CAMK2A: variants seen among roughly 807,000 people sequenced by gnomAD.
CAMK2A encodes the protein calcium/calmodulin-dependent protein kinase type II subunit alpha.
A neutral mutation model predicts 79.2 loss-of-function variants in CAMK2A; 7 were observed. The ratio of observed to expected loss-of-function variants is 0.09; its 90% CI spans 0.05 to 0.17. The LOEUF is 0.17. CAMK2A is among the 10% of genes least tolerant of loss of function. CAMK2A has a pLI of 1.00. For missense variants in CAMK2A, 214 were observed against 646.4 expected (o/e 0.33, Z 7.25); for synonymous variants, 242 against 251.7 (o/e 0.96, Z 0.36).
At chr5:150,242,226 A>G (rs556058997) in intron 13 of CAMK2A, among the ~76,000 whole-genome samples, 2 of 152,350 alleles carry the variant, frequency 1.3e-5, no homozygotes, top group East Asian at 3.9e-4. Context: ...ATAATCTTGT[A>G]TTGACCAGTA....
chr5:150,240,934 G>A (rs1003927296), intron 13 of CAMK2A, among the ~76,000 whole-genome samples: 11 of 152,252 alleles, frequency 7.2e-5, no homozygotes, highest in Non-Finnish European at 1.6e-4. Context: ...TGCCATGGGA[G>A]GCACTGGATA....
rs531690792 is a variant in CAMK2A, at chr5:150,284,361, G to T, written c.62+5203C>A. On this transcript the variant is annotated intron_variant, in intron 1 of 18. Transcript: ENST00000671881. The surrounding 1 kb of genome is among the most constrained non-coding windows in gnomAD (Gnocchi z 5.3). Reference sequence around the variant, plus strand: ...TGTGAAGACGCATGTGTGTGTGTGAGCACGCATGCATCAGCAACAGGATGC... The same window carrying T: ...TGTGAAGACGCATGTGTGTGTGTGATCACGCATGCATCAGCAACAGGATGC... Among the ~76,000 whole-genome samples the T allele has an allele frequency of 2.6e-5, 4 of 152,316 alleles. No individual in the cohort carries two copies. The highest frequency in any genetic ancestry group is 2.6e-4 in the Admixed American group (4 of 15,302).
chr5:150,283,015 C>A (rs942672583), intron 1 of CAMK2A, among the ~76,000 whole-genome samples: 4 of 152,228 alleles, frequency 2.6e-5, no homozygotes, highest in Non-Finnish European at 5.9e-5. Context: ...CAGGACATCT[C>A]TGCAGACATA....
intron 16 of CAMK2A, among the ~76,000 whole-genome samples, chr5:150,230,615 C>A (rs1276387470): frequency 2.6e-5 from 4 of 152,260 alleles, no homozygotes; most frequent in Non-Finnish European, 5.9e-5. Context: ...CGGGGGCCAG[C>A]TGAGGGCCCA....
rs1419047141 is a variant in CAMK2A, at chr5:150,259,075, G to A, written c.218-1458C>T. ...CATGCTTATAATCCCAGCTACTCCA[G>A]AGGCTGAGGCAGGATAATTGCTTGA... On this transcript the variant is annotated intron_variant, in intron 3 of 18. Transcript: ENST00000671881. 2.0e-5 allele frequency among the ~76,000 whole-genome samples: 3 copies of A among 152,062 alleles called. No homozygotes were observed. The East Asian group carries it at 5.8e-4, about 29-fold the overall frequency.
rs1040789311 is a variant in CAMK2A, at chr5:150,222,663, G to A, written c.*47C>T. On this transcript the variant is annotated 3_prime_UTR_variant, in exon 19 of 19. Transcript: ENST00000671881. Reference sequence around the variant, plus strand: ...AACCAGCAGCTCCACTCCACGGACAGAGTGGATCTCTGCGGCACAGCAACG... The same window carrying A: ...AACCAGCAGCTCCACTCCACGGACAAAGTGGATCTCTGCGGCACAGCAACG... 1 of 1,610,660 alleles carries A rather than the reference G, an allele frequency of 6.2e-7. No homozygotes were observed. Among genetic ancestry groups the A allele is most frequent in the Non-Finnish European group, 8.5e-7 (1 of 1,177,070 alleles).
At chr5:150,272,422 A>G (rs748115592) in intron 2 of CAMK2A, among the ~76,000 whole-genome samples, 5 of 152,074 alleles carry the variant, frequency 3.3e-5, no homozygotes, top group Non-Finnish European at 7.4e-5. Flanking sequence ...AAGAGAAAAA[A>G]TTAGCCGGGC....
At chr5:150,251,642 C>A in intron 9 of CAMK2A, 108 bp downstream of exon 9, 1 of 757,570 alleles carries the variant, frequency 1.3e-6, no homozygotes, top group South Asian at 2.2e-5. Flanking sequence ...AGTCTTCATG[C>A]TCCCCTGGGG....
intron 17 of CAMK2A, among the ~76,000 whole-genome samples, chr5:150,225,043 A>AGG (rs1754527382): frequency 8.6e-6 from 1 of 116,236 alleles, no homozygotes; most frequent in Non-Finnish European, 1.6e-5. Flanking sequence ...GTAGGTAGGG[A>AGG]GAGAGAGAGA....
chr5:150,229,157 C>T (rs1754734634), intron 16 of CAMK2A, among the ~76,000 whole-genome samples: 1 of 152,208 alleles, frequency 6.6e-6, no homozygotes, highest in Non-Finnish European at 1.5e-5. Context: ...AGGTGTCAGG[C>T]CCAGCACCGT....
At chr5:150,267,723 C>T (rs189301531) in intron 2 of CAMK2A, among the ~76,000 whole-genome samples, 155 of 152,086 alleles carry the variant, frequency 1.0e-3, no homozygotes, top group African/African-American at 3.5e-3. Flanking sequence ...CCTCCGAGGC[C>T]GTGTTCTGTT....
At chr5:150,257,469 C>T (rs1756107668) in intron 4 of CAMK2A, 94 bp downstream of exon 4, 2 of 1,127,900 alleles carry the variant, frequency 1.8e-6, no homozygotes, top group Admixed American at 2.0e-5. Flanking sequence ...CTCTGGACCA[C>T]AAGAGGGAAT....
At position 150,284,056 on chromosome 5, in the gene CAMK2A, G is replaced by C. The variant is rs1757323724; in HGVS notation, c.62+5508C>G. ...CTCAGCAGGTTGCCTGGGGTAGGAG[G>C]CTTCCTACAGTGCCACAGAGAAGCT... On this transcript the variant is annotated intron_variant, in intron 1 of 18. Coordinates refer to ENST00000671881, the MANE Select transcript of CAMK2A (RefSeq NM_015981.4). The surrounding 1 kb of genome is among the most constrained non-coding windows in gnomAD (Gnocchi z 5.3). Among the ~76,000 whole-genome samples the C allele has an allele frequency of 6.6e-6, 1 of 152,224 alleles. No homozygotes were observed. Among genetic ancestry groups the C allele is most frequent in the Non-Finnish European group, 1.5e-5 (1 of 68,036 alleles).
chr5:150,239,584 C>T, intron 14 of CAMK2A, 120 bp downstream of exon 14: 1 of 866,006 alleles, frequency 1.2e-6, no homozygotes, highest in Non-Finnish European at 2.0e-6. Flanking sequence ...GCACACGTAC[C>T]AAGCACGCCC....
chr5:150,241,356 CT>C (rs1041294938), intron 13 of CAMK2A, among the ~76,000 whole-genome samples: 5 of 141,384 alleles, frequency 3.5e-5, no homozygotes, highest in African/African-American at 1.5e-4. Context: ...CCTCCTTCCT[CT>C]TTTCTTCCTC....
At chr5:150,227,692 C>T (rs188762926) in intron 17 of CAMK2A, among the ~76,000 whole-genome samples, 1 of 152,280 alleles carries the variant, frequency 6.6e-6, no homozygotes, top group East Asian at 1.9e-4. Flanking sequence ...CCTAGACAAA[C>T]AGGCAGGGGC....
chr5:150,259,261 T>C (rs1485198643), intron 3 of CAMK2A, among the ~76,000 whole-genome samples: 1 of 152,140 alleles, frequency 6.6e-6, no homozygotes, highest in Non-Finnish European at 1.5e-5. Context: ...TGGCTCACCC[T>C]GTAATCCCAG....
At chr5:150,281,663 A>G (rs780552371) in intron 1 of CAMK2A, among the ~76,000 whole-genome samples, 3 of 152,202 alleles carry the variant, frequency 2.0e-5, no homozygotes, top group Admixed American at 1.3e-4. Context: ...TTGGGCTTGG[A>G]GTAGGAGGAC....
At chr5:150,263,440 TCA>T (rs1300297264) in intron 3 of CAMK2A, among the ~76,000 whole-genome samples, 23 of 150,190 alleles carry the variant, frequency 1.5e-4, no homozygotes, top group African/African-American at 4.9e-4. Flanking sequence ...ACACACACAT[TCA>T]CACACTCACA....
Sources: allele counts gnomAD v4.1 joint callset (sites outside exome capture counted in the v4.1 genomes callset), GRCh38; gene constraint gnomAD v4.1.1; non-coding constraint Gnocchi (gnomAD v3.1); transcripts MANE v1.5; gene names NCBI Gene and HGNC (gene_info 2026-07-23, HGNC 2026-07-21).